The following MECOM variants were observed in gnomAD, a reference collection of about 807,000 sequenced individuals.
The protein encoded by MECOM is MDS1 and EVI1 complex locus.
A neutral mutation model predicts 116.3 loss-of-function variants in MECOM; 13 were observed. That is an observed-to-expected ratio of 0.11 (90% CI 0.07 to 0.18). The LOEUF (loss-of-function observed/expected upper bound fraction) is 0.18, where lower values mean the gene tolerates loss of function less well. Among genes scored for constraint, MECOM ranks in the 10% least tolerant of loss-of-function variants. The probability of loss-of-function intolerance (pLI) is 1.00; values close to 1 mark genes in which losing one functional copy is unlikely to be tolerated. For missense variants in MECOM, 1,299 were observed against 1,509.0 expected, an observed-to-expected ratio of 0.86 and a Z score of 2.31; for synonymous variants, 528 against 535.2, an observed-to-expected ratio of 0.99 and a Z score of 0.19.
At chr3:169,164,543 A>G (rs1244201054) in intron 2 of MECOM, among the ~76,000 whole-genome samples, 1 of 152,156 alleles carries the variant, frequency 6.6e-6, no homozygotes, top group African/African-American at 2.4e-5. Context: ...TGGAAGTAAA[A>G]TTTTGATCTA....
chr3:169,411,455 G>A (rs1737541493), intron 1 of MECOM, among the ~76,000 whole-genome samples: 1 of 152,142 alleles, frequency 6.6e-6, no homozygotes, highest in Non-Finnish European at 1.5e-5. Flanking sequence ...CAGCTTGCAG[G>A]TTAAAACCCA....
intron 2 of MECOM, among the ~76,000 whole-genome samples, chr3:169,220,146 A>T (rs80311373): frequency 0.1 from 15,654 of 151,946 alleles, 920 homozygotes; most frequent in Non-Finnish European, 0.13. Flanking sequence ...GGGTAATACA[A>T]TGAAACCCTG....
At chr3:169,098,957 A>G (rs1722623281) in intron 12 of MECOM, among the ~76,000 whole-genome samples, 1 of 152,200 alleles carries the variant, frequency 6.6e-6, no homozygotes, top group Non-Finnish European at 1.5e-5. Context: ...ACCAACACTG[A>G]TACATTAACT....
intron 16 of MECOM, chr3:169,086,469 G>C: frequency 1.5e-6 from 1 of 654,342 alleles, no homozygotes; most frequent in Non-Finnish European, 2.7e-6. Context: ...AGAAAATTTT[G>C]GAATTTAAAT....
chr3:169,635,797 AATTT>A (rs1430305567), intron 1 of MECOM, among the ~76,000 whole-genome samples: 19 of 152,290 alleles, frequency 1.2e-4, no homozygotes, highest in African/African-American at 4.1e-4. Flanking sequence ...TTTCATAATT[AATTT>A]ATTTCTTTAT....
intron 2 of MECOM, chr3:169,147,763 TGTGA>T: frequency 2.1e-6 from 2 of 974,322 alleles, no homozygotes; most frequent in South Asian, 4.8e-5. Context: ...CATGTGTGTG[TGTGA>T]GAGAGAGAGA....
chr3:169,577,648 A>G (rs78101726), intron 1 of MECOM, among the ~76,000 whole-genome samples: 24,969 of 152,094 alleles, frequency 0.16, 2,380 homozygotes, highest in East Asian at 0.37. Context: ...CAGTGCCTAG[A>G]AGCTCAAATA....
At chr3:169,311,176 A>G (rs1718696589) in intron 2 of MECOM, among the ~76,000 whole-genome samples, 1 of 152,204 alleles carries the variant, frequency 6.6e-6, no homozygotes, top group Non-Finnish European at 1.5e-5. Flanking sequence ...GATAATAACT[A>G]TATTCAATTA....
At chr3:169,398,218 A>T (rs1292514047) in intron 1 of MECOM, among the ~76,000 whole-genome samples, 1 of 152,214 alleles carries the variant, frequency 6.6e-6, no homozygotes. Flanking sequence ...GTCCAAGATT[A>T]TTCTGCTGCA....
intron 1 of MECOM, among the ~76,000 whole-genome samples, chr3:169,538,321 CT>C (rs35790599): frequency 6.6e-6 from 1 of 152,148 alleles, no homozygotes; most frequent in East Asian, 1.9e-4. Context: ...CCAAGGTATA[CT>C]TTTTTTGTGA....
At chr3:169,341,786 C>G (rs1451365155) in intron 2 of MECOM, among the ~76,000 whole-genome samples, 1 of 149,682 alleles carries the variant, frequency 6.7e-6, no homozygotes, top group East Asian at 2.0e-4. Flanking sequence ...TTTGATAGCA[C>G]AACAAGGTGT....
At chr3:169,141,117 CTTGTT>C (rs1233762150) in intron 3 of MECOM, among the ~76,000 whole-genome samples, 2 of 152,020 alleles carry the variant, frequency 1.3e-5, no homozygotes, top group Non-Finnish European at 2.9e-5. Flanking sequence ...TTTATACACT[CTTGTT>C]TTGTCCTGGG....
At chr3:169,368,034 T>C (rs1383489587) in intron 2 of MECOM, among the ~76,000 whole-genome samples, 1 of 152,084 alleles carries the variant, frequency 6.6e-6, no homozygotes, top group Non-Finnish European at 1.5e-5. Flanking sequence ...ATGAACATCT[T>C]ATATCGAATA....
intron 1 of MECOM, among the ~76,000 whole-genome samples, chr3:169,518,926 A>G (rs1757029809): frequency 6.6e-6 from 1 of 152,168 alleles, no homozygotes. Flanking sequence ...GCCTTCTGCC[A>G]TGATTTGAGG....
At chr3:169,274,426 G>A (rs1044771376) in intron 2 of MECOM, among the ~76,000 whole-genome samples, 1 of 152,062 alleles carries the variant, frequency 6.6e-6, no homozygotes, top group Admixed American at 6.6e-5. Flanking sequence ...CTGTTTTCTG[G>A]ATCTAAGTTG....
intron 2 of MECOM, among the ~76,000 whole-genome samples, chr3:169,178,527 A>AGCT (rs1745508010): frequency 6.6e-6 from 1 of 152,166 alleles, no homozygotes; most frequent in African/African-American, 2.4e-5. Flanking sequence ...AGGACAATGT[A>AGCT]TAGCCAGCTA....
chr3:169,270,403 A>C (rs9842001), intron 2 of MECOM, among the ~76,000 whole-genome samples: 13,104 of 152,036 alleles, frequency 0.086, 1,480 homozygotes, highest in African/African-American at 0.26. Flanking sequence ...ATCTATCTAT[A>C]TATACTTATA....
At chr3:169,112,225 T>C (rs1373811763) in intron 9 of MECOM, among the ~76,000 whole-genome samples, 1 of 152,164 alleles carries the variant, frequency 6.6e-6, no homozygotes, top group African/African-American at 2.4e-5. Context: ...TGATAAACTG[T>C]ATATATTTTG....
chr3:169,614,255 A>C (rs1034922903), intron 1 of MECOM, among the ~76,000 whole-genome samples: 3 of 151,634 alleles, frequency 2.0e-5, no homozygotes, highest in African/African-American at 7.3e-5. Context: ...CTCTTAACAA[A>C]ATACTAGATC....
Sources: gnomAD v4.1 joint callset for allele counts (sites outside exome capture counted in the v4.1 genomes callset) on GRCh38, gnomAD v4.1.1 for gene constraint, MANE v1.5 for transcripts, NCBI Gene and HGNC (gene_info 2026-07-23, HGNC 2026-07-21) for gene names.